Variants in DAB1 observed in about 807,000 individuals in gnomAD.
The protein encoded by DAB1 is DAB adaptor protein 1, also known as disabled homolog 1.
Under a neutral mutation model 64.6 loss-of-function variants are expected in DAB1, and 15 were observed. The observed-to-expected ratio is 0.23, with a 90% CI of 0.16 to 0.36. The LOEUF (loss-of-function observed/expected upper bound fraction) is 0.36. Among genes scored for constraint, DAB1 ranks in the 10% least tolerant of loss-of-function variants. DAB1 has a pLI of 1.00. For missense variants in DAB1, 596 were observed against 706.7 expected, an observed-to-expected ratio of 0.84 and a Z score of 1.78; for synonymous variants, 235 against 251.9, an observed-to-expected ratio of 0.93 and a Z score of 0.64.
At chr1:57,007,516 GA>G (rs754129537) in intron 14 of DAB1, among the ~76,000 whole-genome samples, 1 of 152,056 alleles carries the variant, frequency 6.6e-6, no homozygotes, top group African/African-American at 2.4e-5. Context: ...AGGGTAGGGG[GA>G]AAAAAGTGAA....
intron 1 of DAB1, among the ~76,000 whole-genome samples, chr1:57,830,213 G>A (rs565472415): frequency 6.6e-6 from 1 of 152,272 alleles, no homozygotes; most frequent in East Asian, 1.9e-4. Flanking sequence ...GATGCCCTGA[G>A]CAAAGAAAGA....
intron 1 of DAB1, among the ~76,000 whole-genome samples, chr1:57,415,374 T>C (rs1232759834): frequency 6.6e-6 from 1 of 151,690 alleles, no homozygotes; most frequent in Non-Finnish European, 1.5e-5. Context: ...GAGAATATCT[T>C]CATGACATCA....
intron 2 of DAB1, among the ~76,000 whole-genome samples, chr1:57,194,658 C>G (rs77383153): frequency 1.3e-5 from 2 of 152,116 alleles, no homozygotes; most frequent in Non-Finnish European, 2.9e-5. Flanking sequence ...TTTGCACATC[C>G]CCAACTCTCA....
intron 6 of DAB1, among the ~76,000 whole-genome samples, chr1:57,783,270 T>G (rs763807280): frequency 1.3e-5 from 2 of 151,922 alleles, no homozygotes; most frequent in Non-Finnish European, 2.9e-5. Context: ...CCACCACTCA[T>G]GCCTAATTTT....
intron 5 of DAB1, among the ~76,000 whole-genome samples, chr1:58,126,287 C>T (rs1653076022): frequency 6.6e-6 from 1 of 152,118 alleles, no homozygotes; most frequent in African/African-American, 2.4e-5. Context: ...CTCAATACTT[C>T]TCGGCCTCCT....
chr1:57,317,097 A>G (rs1459728376), intron 1 of DAB1, among the ~76,000 whole-genome samples: 1 of 152,154 alleles, frequency 6.6e-6, no homozygotes. Context: ...CAGCTGCCAT[A>G]TTTGTGAGCC....
chr1:57,491,599 A>G (rs1363038398), intron 7 of DAB1, among the ~76,000 whole-genome samples: 1 of 152,186 alleles, frequency 6.6e-6, no homozygotes, highest in African/African-American at 2.4e-5. Context: ...AGCAAATTCA[A>G]CAAGTAGTAA....
At chr1:57,737,198 G>A (rs1420611127) in intron 6 of DAB1, among the ~76,000 whole-genome samples, 2 of 152,180 alleles carry the variant, frequency 1.3e-5, no homozygotes, top group African/African-American at 4.8e-5. Flanking sequence ...TCCTGTTGGT[G>A]CCTCTCATTG....
chr1:57,932,850 T>G (rs1644972806), intron 5 of DAB1, among the ~76,000 whole-genome samples: 1 of 152,214 alleles, frequency 6.6e-6, no homozygotes. Flanking sequence ...ATGGGTTTCT[T>G]GTAGACAAAA....
chr1:58,125,021 T>A (rs935314409), intron 5 of DAB1, among the ~76,000 whole-genome samples: 1 of 152,176 alleles, frequency 6.6e-6, no homozygotes. Flanking sequence ...CAAGGGGGAT[T>A]CAAGGTCTGA....
In DAB1 at chr1:57,276,990, G is replaced by A. The variant is rs80288564; in HGVS notation, c.67+13974C>T. ...AGAGGGAGGAAGGAAAAGAAAAGAA[G>A]GGAAGAAAGGAAGGAATTCAAAGAA... On this transcript the variant is annotated intron_variant, in intron 2 of 14. Coordinates refer to ENST00000371236, the MANE Select transcript of DAB1 (RefSeq NM_001365792.1). 7.6e-3 allele frequency among the ~76,000 whole-genome samples: 1,156 copies of A among 152,188 alleles called. 14 individuals carry two copies. Among genetic ancestry groups the A allele is most frequent in the African/African-American group, 0.026 (1,081 of 41,508 alleles).
rs191937286 is a variant in DAB1, at chr1:58,545,294, T to C, written n.32+1409A>G. ...GTGTAAAAATTTTAAAAGAATCCTATTGACACAGAAGGTATAAGCAAAAGC... is the reference window on the plus strand; with the variant it reads ...GTGTAAAAATTTTAAAAGAATCCTACTGACACAGAAGGTATAAGCAAAAGC... On this transcript the variant is annotated intron_variant and non_coding_transcript_variant, in intron 1 of 20. Transcript: ENST00000485760. 2.3e-4 allele frequency among the ~76,000 whole-genome samples: 35 copies of C among 152,310 alleles called. No homozygotes were observed. In the East Asian group the frequency reaches 6.6e-3, roughly 29 times the overall value.
intron 5 of DAB1, chr1:58,048,364 T>C: frequency 1.0e-6 from 1 of 968,210 alleles, no homozygotes; most frequent in Non-Finnish European, 1.7e-6. Context: ...CACTGTAGCT[T>C]CCACCACCTC....
chr1:57,740,727 T>C (rs1162758725), intron 6 of DAB1, among the ~76,000 whole-genome samples: 2 of 152,188 alleles, frequency 1.3e-5, no homozygotes, highest in African/African-American at 2.4e-5. Flanking sequence ...TCACACATCA[T>C]AGATGTCGGC....
intron 5 of DAB1, among the ~76,000 whole-genome samples, chr1:58,029,253 C>A: frequency 6.6e-6 from 1 of 152,254 alleles, no homozygotes; most frequent in East Asian, 1.9e-4. Context: ...TCAATGCAGC[C>A]TCAGTGGGAT....
intron 1 of DAB1, among the ~76,000 whole-genome samples, chr1:57,397,428 T>C (rs1190072575): frequency 1.3e-5 from 2 of 152,198 alleles, no homozygotes; most frequent in Admixed American, 6.5e-5. Context: ...TTATCTATTT[T>C]TTTCTTCCAG....
At chr1:57,970,898 T>C (rs1007331443) in intron 5 of DAB1, among the ~76,000 whole-genome samples, 17 of 152,176 alleles carry the variant, frequency 1.1e-4, no homozygotes, top group African/African-American at 4.1e-4. Flanking sequence ...TCATTGACTA[T>C]GTAGATTGAA....
At chr1:57,152,570 A>G (rs901724715) in intron 2 of DAB1, among the ~76,000 whole-genome samples, 3 of 152,238 alleles carry the variant, frequency 2.0e-5, no homozygotes, top group Non-Finnish European at 2.9e-5. Flanking sequence ...TTCAGATGTT[A>G]TCTCTGCTAC....
intron 4 of DAB1, among the ~76,000 whole-genome samples, chr1:58,302,664 T>C (rs1339093251): frequency 6.6e-6 from 1 of 152,186 alleles, no homozygotes; most frequent in Non-Finnish European, 1.5e-5. Flanking sequence ...TTAACTTCTC[T>C]GAGTCTTCAC....
Sources: allele counts gnomAD v4.1 joint callset (sites outside exome capture counted in the v4.1 genomes callset), GRCh38; gene constraint gnomAD v4.1.1; transcripts MANE v1.5; gene names NCBI Gene and HGNC (gene_info 2026-07-23, HGNC 2026-07-21).